Variants in EPB41L2 observed in about 807,000 individuals in gnomAD.
EPB41L2 encodes the protein erythrocyte membrane protein band 4.1 like 2.
A neutral mutation model predicts 113.0 loss-of-function variants in EPB41L2; 43 were observed. The observed-to-expected ratio is 0.38, with a 90% CI of 0.30 to 0.49. EPB41L2 has a LOEUF of 0.49. EPB41L2 is among the 20% of genes least tolerant of loss of function. The pLI is 0.95. For synonymous variants in EPB41L2, 442 were observed against 436.7 expected (o/e 1.01, Z -0.15); for missense variants, 1,147 against 1,223.4 (o/e 0.94, Z 0.93).
At chr6:130,969,795 C>T (rs951461760) in intron 1 of EPB41L2, among the ~76,000 whole-genome samples, 1 of 152,108 alleles carries the variant, frequency 6.6e-6, no homozygotes, top group Non-Finnish European at 1.5e-5. Flanking sequence ...AGTAACTGCA[C>T]ACTATTAACC....
In EPB41L2 at chr6:130,956,258, C is replaced by G. The variant is rs1162132023; in HGVS notation, c.228G>C (p.Arg76=). Residue 76 remains arginine (R), a synonymous_variant, in exon 2 of 20, where the codon CGG becomes CGC. Coordinates refer to ENST00000337057, the MANE Select transcript of EPB41L2 (RefSeq NM_001431.4). Reference sequence around the variant, plus strand: ...GCTTCTTAAGCCATGGCGGTATGAACCGAGAAATACCCCTGCTCTCCGATG... The same window carrying G: ...GCTTCTTAAGCCATGGCGGTATGAAGCGAGAAATACCCCTGCTCTCCGATG... The part of the protein sequence containing the change: ...KETSESRGIS[R]FIPPWLKKQK... The G allele has an allele frequency of 6.2e-7, 1 of 1,614,150 alleles. No homozygotes were observed. Among genetic ancestry groups the G allele is most frequent in the East Asian group, 2.2e-5 (1 of 44,886 alleles).
At chr6:130,860,625 C>G (rs529680628) in intron 18 of EPB41L2, among the ~76,000 whole-genome samples, 1 of 152,274 alleles carries the variant, frequency 6.6e-6, no homozygotes, top group East Asian at 1.9e-4. Flanking sequence ...CTCCGCCTCC[C>G]GGGTTCACAC....
chr6:130,895,251 G>A, intron 8 of EPB41L2, 132 bp from the exon 9 acceptor site: 1 of 985,582 alleles, frequency 1.0e-6, no homozygotes, highest in Non-Finnish European at 1.5e-6. Context: ...TTAGTGACAA[G>A]TACGCACGTT....
chr6:130,980,166 G>A (rs1779074025), intron 1 of EPB41L2, among the ~76,000 whole-genome samples: 1 of 152,160 alleles, frequency 6.6e-6, no homozygotes, highest in Non-Finnish European at 1.5e-5. Context: ...CAGTGGCTAG[G>A]AGAAGAAAAA....
At chr6:130,953,792 A>C (rs1307914367) in intron 3 of EPB41L2, among the ~76,000 whole-genome samples, 1 of 151,998 alleles carries the variant, frequency 6.6e-6, no homozygotes, top group Non-Finnish European at 1.5e-5. Context: ...AGGTGAGGAC[A>C]CAGCACTTGG....
At chr6:130,868,402 C>A (rs953392163) in intron 15 of EPB41L2, 3 of 152,162 alleles carry the variant, frequency 2.0e-5, no homozygotes, top group Non-Finnish European at 4.4e-5. Flanking sequence ...TTTTAGTCTG[C>A]CGAGTATGCA....
intron 4 of EPB41L2, among the ~76,000 whole-genome samples, chr6:130,909,122 T>C (rs1798580562): frequency 6.6e-6 from 1 of 152,162 alleles, no homozygotes; most frequent in Admixed American, 6.6e-5. Flanking sequence ...TTCTCCTGCA[T>C]CTAAAATGGT....
chr6:131,017,415 G>C (rs1788484740), intron 1 of EPB41L2, among the ~76,000 whole-genome samples: 1 of 152,056 alleles, frequency 6.6e-6, no homozygotes, highest in African/African-American at 2.4e-5. Context: ...GATGATAACA[G>C]TACTTCACAT....
intron 1 of EPB41L2, among the ~76,000 whole-genome samples, chr6:130,977,016 C>T (rs916978983): frequency 6.6e-6 from 1 of 152,164 alleles, no homozygotes; most frequent in African/African-American, 2.4e-5. Flanking sequence ...GAAATGGTCA[C>T]CTCCTTTGGG....
intron 1 of EPB41L2, among the ~76,000 whole-genome samples, chr6:131,045,086 T>C (rs1044190248): frequency 2.0e-5 from 3 of 152,158 alleles, no homozygotes. Flanking sequence ...TCTCAACAAG[T>C]TGCCCCCCAG....
chr6:130,943,958 G>T (rs1041076598), intron 3 of EPB41L2, among the ~76,000 whole-genome samples: 6 of 152,056 alleles, frequency 3.9e-5, no homozygotes, highest in African/African-American at 1.2e-4. Context: ...AAGGGCCAGG[G>T]TCACACCATA....
chr6:130,850,439 T>C (rs1010880577), intron 19 of EPB41L2, among the ~76,000 whole-genome samples: 5 of 152,150 alleles, frequency 3.3e-5, no homozygotes, highest in African/African-American at 1.2e-4. Flanking sequence ...CACTCATCCA[T>C]TCAACAGCTG....
chr6:130,956,037 A>C lies in EPB41L2; in HGVS notation c.449T>G (p.Val150Gly). ...CACTGAGGGTTTTTCTTCCTTGCTC[A>C]CTGAGGGTTTTTCTTCCTTGACTTC... is the stretch of plus-strand genomic sequence containing the variant. ...KVEVKEEKPSVSKEEKPSVSK... is the reference protein window; with the variant it reads ...KVEVKEEKPSGSKEEKPSVSK... Residue 150 changes from valine (V) to glycine (G), a missense_variant, in exon 2 of 20, where the codon GTG becomes GGG. Physicochemically the swap from Val to Gly is moderately radical, Grantham distance 109. Transcript: ENST00000337057. 1 of 1,613,600 alleles carries C rather than the reference A, an allele frequency of 6.2e-7. No individual in the cohort carries two copies. Among genetic ancestry groups the C allele is most frequent in the South Asian group, 1.1e-5 (1 of 90,974 alleles).
chr6:130,934,947 A>T (rs765898931), intron 3 of EPB41L2, among the ~76,000 whole-genome samples: 3 of 152,110 alleles, frequency 2.0e-5, no homozygotes, highest in Non-Finnish European at 4.4e-5. Flanking sequence ...TTTTTCTTGT[A>T]TACTATTCCT....
intron 1 of EPB41L2, among the ~76,000 whole-genome samples, chr6:131,000,216 T>C (rs1299183068): frequency 6.6e-6 from 1 of 151,778 alleles, no homozygotes; most frequent in Admixed American, 6.6e-5. Context: ...TTTACTAGAC[T>C]GGGTAGGGAG....
rs1331157599 is a variant in EPB41L2, at chr6:130,911,109, T to A, written c.811-2246A>T. ...ATTGCAGCACTATTCACAATAGCAA[T>A]GACTTGGAACCAACTCAAATGCCTA... On this transcript the variant is annotated intron_variant, in intron 4 of 19. Coordinates refer to ENST00000337057, the MANE Select transcript of EPB41L2 (RefSeq NM_001431.4). 4.6e-5 allele frequency among the ~76,000 whole-genome samples: 7 copies of A among 152,270 alleles called. No homozygotes were observed. The East Asian group carries it at 1.3e-3, about 29-fold the overall frequency.
chr6:130,881,830 A>G (rs922204482), intron 12 of EPB41L2: 2 of 152,124 alleles, frequency 1.3e-5, no homozygotes, highest in Non-Finnish European at 2.9e-5. Context: ...ACAGAATAGT[A>G]CCTTCCTTAT....
intron 6 of EPB41L2, among the ~76,000 whole-genome samples, chr6:130,903,787 A>G (rs886549588): frequency 1.3e-5 from 2 of 152,172 alleles, no homozygotes; most frequent in African/African-American, 4.8e-5. Context: ...ATTGATTCAC[A>G]ATGTTTCTGG....
At chr6:131,014,254 G>C (rs1787697630) in intron 1 of EPB41L2, 1 of 152,128 alleles carries the variant, frequency 6.6e-6, no homozygotes, top group Non-Finnish European at 1.5e-5. Context: ...AGTTATTTAA[G>C]GGGAGGTGAG....
Sources: gnomAD v4.1 joint callset for allele counts (sites outside exome capture counted in the v4.1 genomes callset) on GRCh38, gnomAD v4.1.1 for gene constraint, MANE v1.5 for transcripts, NCBI Gene and HGNC (gene_info 2026-07-23, HGNC 2026-07-21) for gene names.